Variants in SP2 observed in about 807,000 individuals in gnomAD.
The protein encoded by SP2 is transcription factor Sp2.
Under a neutral mutation model 50.1 loss-of-function variants are expected in SP2, and 9 were observed. The observed-to-expected ratio is 0.18, with a 90% confidence interval of 0.11 to 0.31. SP2 has a LOEUF of 0.31. Among genes scored for constraint, SP2 ranks in the 10% least tolerant of loss-of-function variants. SP2 has a pLI of 1.00. For missense variants in SP2, 581 were observed against 806.5 expected (o/e 0.72, Z 3.39); for synonymous variants, 313 against 326.6 (o/e 0.96, Z 0.45).
chr17:47,925,389 C>T lies in SP2; in HGVS notation c.1589C>T (p.Pro530Leu), dbSNP rs769669536. 3.1e-6 allele frequency: 5 copies of T among 1,614,054 alleles called. No individual in the cohort carries two copies. Among genetic ancestry groups the T allele is most frequent in the African/African-American group, 1.3e-5 (1 of 74,952 alleles). Residue 530 changes from proline to leucine, a missense_variant, in exon 6 of 7, where the codon CCC becomes CTC. By Grantham distance (98) the Pro-to-Leu change is moderately conservative. Transcript: ENST00000376741. ...AAGAAGAAGCACGTGTGCCACATCC[C>T]CGACTGTGGCAAGACGTTCCGTAAG... ...QGKKKHVCHIPDCGKTFRKTS... is the reference protein window; with the variant it reads ...QGKKKHVCHILDCGKTFRKTS...
At position 47,916,457 on chromosome 17, in the gene SP2, A is replaced by G. The variant is rs373308287; in HGVS notation, c.386A>G (p.Asn129Ser). ...MINKGTRSNA[N>S]IQYQAVPQIQ... ...AACAAAGGGACCCGATCAAATGCCAATATCCAGTACCAGGCGGTCCCTCAG... is the reference window on the plus strand; with the variant it reads ...AACAAAGGGACCCGATCAAATGCCAGTATCCAGTACCAGGCGGTCCCTCAG... Residue 129 changes from asparagine (N) to serine (S), a missense_variant, in exon 3 of 7, where the codon AAT becomes AGT. By Grantham distance (46) the Asn-to-Ser change is conservative. This residue lies in a region of SP2 where 397 missense variants were observed against 491.0 expected (regional missense o/e 0.81). Coordinates refer to ENST00000376741, the MANE Select transcript of SP2 (RefSeq NM_003110.6). The surrounding 1 kb of genome is among the most constrained non-coding windows in gnomAD (Gnocchi z 4.7). The G allele has an allele frequency of 2.5e-6, 4 of 1,614,102 alleles. No individual in the cohort carries two copies. Among genetic ancestry groups the G allele is most frequent in the Middle Eastern group, 1.6e-4 (1 of 6,062 alleles).
intron 1 of SP2, among the ~76,000 whole-genome samples, chr17:47,907,202 C>T (rs759615450): frequency 1.2e-4 from 18 of 151,992 alleles, no homozygotes; most frequent in Non-Finnish European, 2.2e-4. Flanking sequence ...AGGGTGCCAG[C>T]AGTTTTTCTA....
chr17:47,915,650 C>T (rs1237903179), intron 2 of SP2, among the ~76,000 whole-genome samples: 1 of 152,178 alleles, frequency 6.6e-6, no homozygotes, highest in Non-Finnish European at 1.5e-5. Context: ...CAGAGGCTTT[C>T]TCATTGTCTC....
Position 47,928,498 on chromosome 17 carries a change from C to T in SP2, c.*674C>T, listed in dbSNP as rs1249138064. The T allele has an allele frequency of 6.5e-6, 1 of 152,728 alleles. No homozygotes were observed. Among genetic ancestry groups the T allele is most frequent in the Admixed American group, 6.5e-5 (1 of 15,294 alleles). The allele number at this position is 152,728 out of a possible 1,614,324, so 9.5% of individuals were successfully genotyped here. A position where few individuals can be genotyped will look rare whatever the true frequency, so the allele number is the denominator to read the frequency against. On this transcript the variant is annotated 3_prime_UTR_variant, in exon 7 of 7. Transcript: ENST00000376741. ...AGTTTTATTTAATTGCTCCCTTCTT[C>T]CTTTCCTTGTTATTCACCTCCCTGA...
intron 1 of SP2, among the ~76,000 whole-genome samples, chr17:47,913,141 G>A (rs896446676): frequency 1.3e-5 from 2 of 151,972 alleles, no homozygotes; most frequent in African/African-American, 2.4e-5. Flanking sequence ...GATTACAGGC[G>A]TGAACCACCA....
Position 47,923,237 on chromosome 17 carries a change from G to C in SP2, c.1335G>C (p.Gln445His). The C allele has an allele frequency of 6.2e-7, 1 of 1,608,852 alleles. No homozygotes were observed. The highest frequency in any genetic ancestry group is 8.5e-7 in the Non-Finnish European group (1 of 1,179,850). The change falls in exon 4 of 7, where the codon CAG becomes CAC. Residue 445 changes from glutamine (Q) to histidine (H), a missense_variant. By Grantham distance (24) the Gln-to-His change is conservative. Coordinates refer to ENST00000376741, the MANE Select transcript of SP2 (RefSeq NM_003110.6). Reference sequence around the variant, plus strand: ...AGACCATCAACATCAATGGTGTCCAGGTCCAGGGCGTGCCTGTCACCATCA... The same window carrying C: ...AGACCATCAACATCAATGGTGTCCACGTCCAGGGCGTGCCTGTCACCATCA... Reference protein sequence around the residue: ...AMQTININGVQVQGVPVTITN... With the variant: ...AMQTININGVHVQGVPVTITN...
At chr17:47,919,422 A>AT (rs34363501) in intron 3 of SP2, among the ~76,000 whole-genome samples, 85 of 151,654 alleles carry the variant, frequency 5.6e-4, no homozygotes, top group African/African-American at 1.2e-3. Context: ...AAAAAAAAAA[A>AT]TTTTTTTTAA....
intron 1 of SP2, chr17:47,897,408 T>G (rs931416529): frequency 6.6e-6 from 1 of 152,276 alleles, no homozygotes; most frequent in Non-Finnish European, 1.5e-5. Context: ...TTCTTTCTTC[T>G]TCTGAGGTTA....
intron 1 of SP2, among the ~76,000 whole-genome samples, chr17:47,897,050 T>A (rs1235028169): frequency 6.6e-6 from 1 of 152,248 alleles, no homozygotes; most frequent in African/African-American, 2.4e-5. Flanking sequence ...GCCTGTTACT[T>A]GACGCCCCGT....
At chr17:47,897,512 C>A (rs920297876) in intron 1 of SP2, 1 of 152,238 alleles carries the variant, frequency 6.6e-6, no homozygotes, top group African/African-American at 2.4e-5. Context: ...TTACAGATTT[C>A]ATTACAGATG....
chr17:47,907,363 G>A (rs2143841929), intron 1 of SP2, among the ~76,000 whole-genome samples: 1 of 152,234 alleles, frequency 6.6e-6, no homozygotes, highest in South Asian at 2.1e-4. Context: ...TATGGGAAAG[G>A]AATGTTGTGT....
intron 3 of SP2, among the ~76,000 whole-genome samples, chr17:47,922,604 A>T (rs934539166): frequency 6.6e-6 from 1 of 151,856 alleles, no homozygotes; most frequent in Middle Eastern, 3.4e-3. Flanking sequence ...GAAAACCTGG[A>T]ATTCCTGGGC....
At chr17:47,907,453 A>G (rs1421629540) in intron 1 of SP2, among the ~76,000 whole-genome samples, 2 of 152,194 alleles carry the variant, frequency 1.3e-5, no homozygotes. Context: ...GGAGTTTTCC[A>G]TGGAACCTAA....
At chr17:47,922,250 C>T (rs375455305) in intron 3 of SP2, among the ~76,000 whole-genome samples, 15 of 152,234 alleles carry the variant, frequency 9.9e-5, no homozygotes, top group African/African-American at 3.4e-4. Context: ...CTACCCACCA[C>T]GGACACCCTC....
rs1187637124 is a variant in SP2 at position 47,916,901 on chromosome 17, T to A, written c.830T>A (p.Ile277Asn). The change falls in exon 3 of 7, where the codon ATC becomes AAC. Residue 277 changes from isoleucine to asparagine, a missense_variant. Around this residue, in one of 2 missense-constraint regions of SP2, gnomAD observed 397 missense variants for 491.0 expected, o/e 0.81. Coordinates refer to ENST00000376741, the MANE Select transcript of SP2 (RefSeq NM_003110.6). The surrounding 1 kb of genome is among the most constrained non-coding windows in gnomAD (Gnocchi z 4.7). ...TVLIETTADNIIQAGNNLLIV... is the reference protein window; with the variant it reads ...TVLIETTADNNIQAGNNLLIV... ...CTGATCGAGACCACCGCGGACAACA[T>A]CATCCAGGCAGGAAATAACCTGCTC... is the stretch of plus-strand genomic sequence containing the variant. 6 of 1,614,086 alleles carry A rather than the reference T, an allele frequency of 3.7e-6. No homozygotes were observed. Among genetic ancestry groups the A allele is most frequent in the Non-Finnish European group, 5.1e-6 (6 of 1,180,008 alleles).
chr17:47,930,811 A>T (rs559238711), downstream of SP2, among the ~76,000 whole-genome samples: 54 of 152,164 alleles, frequency 3.5e-4, no homozygotes, highest in East Asian at 4.1e-3. Flanking sequence ...TACTGTCCCC[A>T]GCGTCATGTG....
chr17:47,897,989 A>C, intron 1 of SP2: 1 of 480,788 alleles, frequency 2.1e-6, no homozygotes, highest in Non-Finnish European at 2.7e-6. Flanking sequence ...CTTTGGTTAA[A>C]AGCAACTACA....
At chr17:47,921,467 G>T (rs1365399473) in intron 3 of SP2, among the ~76,000 whole-genome samples, 1 of 152,048 alleles carries the variant, frequency 6.6e-6, no homozygotes, top group African/African-American at 2.4e-5. Context: ...GACCAAGCTG[G>T]TATTGAACCA....
At chr17:47,903,542 G>A (rs776236540) in intron 1 of SP2, among the ~76,000 whole-genome samples, 21 of 151,962 alleles carry the variant, frequency 1.4e-4, no homozygotes, top group African/African-American at 2.2e-4. Context: ...TGTCAGGCCC[G>A]TGTAATCCCA....
Sources: allele counts gnomAD v4.1 joint callset (sites outside exome capture counted in the v4.1 genomes callset), GRCh38; gene constraint gnomAD v4.1.1; regional missense constraint gnomAD v4.1.1; non-coding constraint Gnocchi (gnomAD v3.1); transcripts MANE v1.5; gene names NCBI Gene and HGNC (gene_info 2026-07-23, HGNC 2026-07-21).